The following UIMC1 variants were observed in gnomAD, a reference collection of about 807,000 sequenced individuals.
The protein encoded by UIMC1 is BRCA1-A complex subunit RAP80.
In UIMC1, 42 loss-of-function variants were observed where a neutral mutation model predicts 84.9. That is an observed-to-expected ratio of 0.49 (90% CI 0.39 to 0.64). The LOEUF (loss-of-function observed/expected upper bound fraction) is 0.64, where lower values mean the gene tolerates loss of function less well. Ranked by LOEUF, UIMC1 falls within the 30% of genes least tolerant of loss-of-function variation. The pLI, the probability that UIMC1 is intolerant of heterozygous loss-of-function variation, is 0.00. For synonymous variants in UIMC1, 281 were observed against 293.0 expected (o/e 0.96, Z 0.42); for missense variants, 825 against 847.6 (o/e 0.97, Z 0.33).
chr5:177,003,240 T>C (rs1371131022), intron 1 of UIMC1, among the ~76,000 whole-genome samples: 1 of 152,188 alleles, frequency 6.6e-6, no homozygotes, highest in Non-Finnish European at 1.5e-5. Context: ...TGATATTTTA[T>C]ATCCCAGTTT....
intron 8 of UIMC1, among the ~76,000 whole-genome samples, chr5:176,953,529 C>CACACACA (rs1219434153): frequency 1.3e-5 from 2 of 151,768 alleles, no homozygotes; most frequent in South Asian, 2.1e-4. Flanking sequence ...CACACACACA[C>CACACACA]ACCTTATTGG....
Position 176,905,255 on chromosome 5 carries a change from T to G in UIMC1, c.*27A>C, listed in dbSNP as rs12422. On this transcript the variant is annotated 3_prime_UTR_variant, in exon 15 of 15. Coordinates refer to ENST00000511320, the MANE Select transcript of UIMC1 (RefSeq NM_001199298.2). ...CATGGCCCACCCCTCCTACTAATGG[T>G]TTTGTCAACTTTTGGACCCTAGAAA... The G allele has an allele frequency of 0.013, 20,534 of 1,610,104 alleles. 176 individuals are homozygous for G. The highest frequency in any genetic ancestry group is 0.026 in the South Asian group (2,328 of 90,750).
At chr5:176,947,033 GCACTA>G (rs1245399907) in intron 9 of UIMC1, among the ~76,000 whole-genome samples, 4 of 152,116 alleles carry the variant, frequency 2.6e-5, no homozygotes, top group African/African-American at 9.7e-5. Flanking sequence ...CCCACATTGA[GCACTA>G]TACTCCTTTG....
intron 6 of UIMC1, 40 bp downstream of exon 6, chr5:176,968,515 T>C (rs1351645905): frequency 1.3e-6 from 2 of 1,540,604 alleles, no homozygotes. Flanking sequence ...TTTTAATCTG[T>C]GAATAAATCA....
At position 176,968,891 on chromosome 5, in the gene UIMC1, G is replaced by T; in HGVS notation, c.864C>A (p.Asp288Glu). ...WGIPFCPDGV[D>E]PNQYTKVILC... is the part of the protein sequence containing the mutation. ...GAATGACCTTGGTATACTGGTTAGG[G>T]TCTACTCCATCAGGGCAGAATGGAA... The change falls in exon 6 of 15, where the codon GAC becomes GAA. Residue 288 changes from aspartate (D) to glutamate (E), a missense_variant. Physicochemically the swap from Asp to Glu is conservative, Grantham distance 45. Transcript: ENST00000511320. 6.2e-7 allele frequency: 1 copy of T among 1,614,048 alleles called. No homozygotes were observed. Among genetic ancestry groups the T allele is most frequent in the Non-Finnish European group, 8.5e-7 (1 of 1,179,978 alleles).
intron 10 of UIMC1, among the ~76,000 whole-genome samples, chr5:176,913,054 C>T (rs1345123662): frequency 1.3e-5 from 2 of 152,220 alleles, no homozygotes; most frequent in Non-Finnish European, 2.9e-5. Flanking sequence ...TCTGCATTTA[C>T]TGGGGACTAT....
At position 176,968,707 on chromosome 5, in the gene UIMC1, A is replaced by T. The variant is rs765497578; in HGVS notation, c.1048T>A (p.Ser350Thr). The T allele has an allele frequency of 5.0e-6, 8 of 1,613,922 alleles. No homozygotes were observed. The Admixed American group carries it at 5.0e-5, about 10-fold the overall frequency. Residue 350 changes from serine (S) to threonine (T), a missense_variant, in exon 6 of 15, where the codon TCA becomes ACA. Coordinates refer to ENST00000511320, the MANE Select transcript of UIMC1 (RefSeq NM_001199298.2). Reference sequence around the variant, plus strand: ...TTGTCTTCATCTCCCATATCTTCTGAGATGCATTCATTTTTCTCACTAGCC... The same window carrying T: ...TTGTCTTCATCTCCCATATCTTCTGTGATGCATTCATTTTTCTCACTAGCC... ...EQASEKNECI[S>T]EDMGDEDKEE... is the part of the protein sequence containing the mutation.
intron 3 of UIMC1, 107 bp from the exon 4 acceptor site, chr5:176,970,973 C>G: frequency 2.2e-6 from 3 of 1,370,266 alleles, no homozygotes; most frequent in East Asian, 5.0e-5. Context: ...ACTACCAGAC[C>G]ACTTAGTACA....
chr5:176,936,174 T>C (rs1306225646), intron 10 of UIMC1, among the ~76,000 whole-genome samples: 1 of 152,198 alleles, frequency 6.6e-6, no homozygotes, highest in Non-Finnish European at 1.5e-5. Flanking sequence ...CAGTCAATAA[T>C]AATAGCAGCC....
chr5:176,938,360 CA>C (rs1253004481), intron 10 of UIMC1, among the ~76,000 whole-genome samples: 6 of 151,980 alleles, frequency 3.9e-5, no homozygotes, highest in African/African-American at 1.5e-4. Flanking sequence ...CTGTCTCTGG[CA>C]AGGAAGATGG....
chr5:176,968,782 A>G lies in UIMC1; in HGVS notation c.973T>C (p.Leu325=), dbSNP rs1318772591. ...LNKKGFGEPV[L]PRPPSLIQNE... is the part of the protein sequence containing the mutation. ...TGGATCAGAGAAGGAGGTCTAGGTA[A>G]CACTGGTTCCCCAAAACCTTTTTTA... Residue 325 remains leucine, a synonymous_variant, in exon 6 of 15, where the codon TTA becomes CTA. Coordinates refer to ENST00000511320, the MANE Select transcript of UIMC1 (RefSeq NM_001199298.2). 1.2e-6 allele frequency: 2 copies of G among 1,614,156 alleles called. No individual in the cohort carries two copies. Among genetic ancestry groups the G allele is most frequent in the East Asian group, 4.5e-5 (2 of 44,884 alleles).
intron 1 of UIMC1, among the ~76,000 whole-genome samples, chr5:176,999,096 G>A (rs542982156): frequency 6.6e-6 from 1 of 152,236 alleles, no homozygotes; most frequent in Admixed American, 6.5e-5. Flanking sequence ...GGAGACTGAG[G>A]TGGGAGATAA....
At chr5:176,931,382 TA>T in intron 10 of UIMC1, among the ~76,000 whole-genome samples, 1 of 152,334 alleles carries the variant, frequency 6.6e-6, no homozygotes, top group Admixed American at 6.5e-5. Flanking sequence ...ACTCAGGTGT[TA>T]AAAAGAGCTA....
intron 10 of UIMC1, among the ~76,000 whole-genome samples, chr5:176,932,155 A>G (rs1034749688): frequency 6.6e-6 from 1 of 152,214 alleles, no homozygotes; most frequent in African/African-American, 2.4e-5. Context: ...TACTGTGGGC[A>G]TTCAAATAAG....
At chr5:176,920,862 T>C (rs908100685) in intron 10 of UIMC1, among the ~76,000 whole-genome samples, 18 of 152,246 alleles carry the variant, frequency 1.2e-4, no homozygotes, top group African/African-American at 4.3e-4. Flanking sequence ...GTTTCTGATT[T>C]TGGGGAAAGC....
At position 177,006,657 on chromosome 5, in the gene UIMC1, C is replaced by G. The variant is rs1474936895; in HGVS notation, c.-16G>C. 1 of 152,096 alleles carries G rather than the reference C, an allele frequency of 6.6e-6. No individual in the cohort carries two copies. Among genetic ancestry groups the G allele is most frequent in the East Asian group, 1.9e-4 (1 of 5,158 alleles). The allele number at this position is 152,096 out of a possible 1,614,324, so 9.4% of individuals were successfully genotyped here. On this transcript the variant is annotated 5_prime_UTR_variant, in exon 1 of 15. Transcript: ENST00000511320. ...CAGGCGGCGGGTACTCACTCGCTGG[C>G]GCAGGCCGCTCTGTAGACCTTCTCC...
At chr5:177,018,230 A>G (rs528473748) in intron 1 of UIMC1, among the ~76,000 whole-genome samples, 2 of 152,122 alleles carry the variant, frequency 1.3e-5, no homozygotes, top group African/African-American at 4.8e-5. Context: ...GCACACCTGT[A>G]GTCCTAGCTA....
intron 1 of UIMC1, among the ~76,000 whole-genome samples, chr5:176,990,705 T>G (rs1772701781): frequency 6.6e-6 from 1 of 152,120 alleles, no homozygotes; most frequent in African/African-American, 2.4e-5. Flanking sequence ...TAGGGGCTTG[T>G]TCTGTTGCCT....
chr5:177,009,264 C>T (rs1375845146), upstream of UIMC1, among the ~76,000 whole-genome samples: 1 of 151,984 alleles, frequency 6.6e-6, no homozygotes, highest in African/African-American at 2.4e-5. This position sits in a 1 kb window ranked among gnomAD's most constrained non-coding sequence, Gnocchi z 4.3. Flanking sequence ...CCGCCTCAGC[C>T]TCCCAAAGTG....
Sources: allele counts gnomAD v4.1 joint callset (sites outside exome capture counted in the v4.1 genomes callset), GRCh38; gene constraint gnomAD v4.1.1; non-coding constraint Gnocchi (gnomAD v3.1); transcripts MANE v1.5; gene names NCBI Gene and HGNC (gene_info 2026-07-23, HGNC 2026-07-21).